The following DNAJC1 variants were observed in gnomAD, a reference collection of about 807,000 sequenced individuals.
DNAJC1 encodes the protein dnaJ homolog subfamily C member 1.
A neutral mutation model predicts 76.6 loss-of-function variants in DNAJC1; 58 were observed. That is an observed-to-expected ratio of 0.76 (90% CI 0.61 to 0.94). The LOEUF (loss-of-function observed/expected upper bound fraction) is 0.94. DNAJC1 is among the 40% of genes least tolerant of loss of function. The pLI is 0.00. For missense variants in DNAJC1, 689 were observed against 677.3 expected (o/e 1.02, Z -0.19); for synonymous variants, 258 against 267.9 (o/e 0.96, Z 0.36).
At chr10:21,832,067 C>T (rs111543290) in intron 8 of DNAJC1, among the ~76,000 whole-genome samples, 8 of 151,706 alleles carry the variant, frequency 5.3e-5, no homozygotes, top group South Asian at 2.1e-4. Context: ...TGACAGAAAA[C>T]GAAGGAAAAT....
At chr10:21,794,266 CA>C (rs542182948) in intron 9 of DNAJC1, among the ~76,000 whole-genome samples, 1,240 of 53,600 alleles carry the variant, frequency 0.023, 6 homozygotes, top group African/African-American at 0.049. Context: ...TTCCTATCTT[CA>C]AAAAAAAAAA....
intron 1 of DNAJC1, among the ~76,000 whole-genome samples, chr10:21,965,357 C>T (rs1320976012): frequency 1.3e-5 from 2 of 152,154 alleles, no homozygotes; most frequent in African/African-American, 4.8e-5. Flanking sequence ...ATCCTTACCT[C>T]AGCTTTCCTG....
intron 6 of DNAJC1, among the ~76,000 whole-genome samples, chr10:21,912,396 C>G (rs1478686233): frequency 2.0e-5 from 3 of 152,088 alleles, no homozygotes; most frequent in Admixed American, 1.3e-4. Context: ...CAATAACTTA[C>G]AAAACTCTAT....
intron 9 of DNAJC1, among the ~76,000 whole-genome samples, chr10:21,795,878 A>G (rs1378179696): frequency 6.6e-6 from 1 of 151,888 alleles, no homozygotes. Context: ...AAATGGAATC[A>G]TGTAGTATCT....
At chr10:21,838,623 T>C (rs1450081217) in intron 8 of DNAJC1, among the ~76,000 whole-genome samples, 2 of 151,426 alleles carry the variant, frequency 1.3e-5, no homozygotes, top group African/African-American at 2.4e-5. Context: ...GATCAATAAA[T>C]ACTAAAAAAG....
chr10:21,820,370 A>C (rs1026446252), intron 8 of DNAJC1, among the ~76,000 whole-genome samples: 2 of 152,218 alleles, frequency 1.3e-5, no homozygotes, highest in Admixed American at 1.3e-4. Flanking sequence ...ATTAAAAATA[A>C]TGCTGCTATA....
At chr10:21,982,130 T>C (rs1396725369) in intron 1 of DNAJC1, among the ~76,000 whole-genome samples, 2 of 152,228 alleles carry the variant, frequency 1.3e-5, no homozygotes, top group African/African-American at 4.8e-5. Context: ...TTAAGCTTCA[T>C]TCTGTAACGA....
chr10:21,759,900 A>T (rs1014418280), intron 10 of DNAJC1, among the ~76,000 whole-genome samples: 1 of 152,214 alleles, frequency 6.6e-6, no homozygotes, highest in Admixed American at 6.5e-5. Context: ...TAATGGGTAT[A>T]TAAAGAATCA....
intron 8 of DNAJC1, among the ~76,000 whole-genome samples, chr10:21,862,541 GC>G (rs1341956512): frequency 6.7e-6 from 1 of 149,566 alleles, no homozygotes; most frequent in African/African-American, 2.5e-5. Flanking sequence ...CAATTCTCCT[GC>G]CTCAGCCTCC....
chr10:21,982,693 T>C lies in DNAJC1; in HGVS notation c.222+20520A>G, dbSNP rs1838175868. On this transcript the variant is annotated intron_variant, in intron 1 of 11. Transcript: ENST00000376980. ...AATCAAAACCACAACAGTTACTACC[T>C]CTCACCTATTAGGATAGCTATCATA... Among the ~76,000 whole-genome samples, 4 of 149,300 alleles carry C rather than the reference T, an allele frequency of 2.7e-5. No individual in the cohort carries two copies. In the South Asian group the frequency reaches 8.4e-4, roughly 32 times the overall value.
At chr10:21,824,973 A>T (rs1158304719) in intron 8 of DNAJC1, among the ~76,000 whole-genome samples, 1 of 152,038 alleles carries the variant, frequency 6.6e-6, no homozygotes, top group Non-Finnish European at 1.5e-5. Context: ...ACGGGGTTTC[A>T]TCACCTTGGT....
At chr10:21,818,540 T>C (rs969215919) in intron 8 of DNAJC1, among the ~76,000 whole-genome samples, 2 of 152,176 alleles carry the variant, frequency 1.3e-5, no homozygotes, top group African/African-American at 4.8e-5. Flanking sequence ...CCTCCCCTTT[T>C]GAAAATCACT....
chr10:21,904,346 C>T (rs1836707873), intron 7 of DNAJC1, among the ~76,000 whole-genome samples, 176 bp downstream of exon 7: 1 of 150,590 alleles, frequency 6.6e-6, no homozygotes, highest in Non-Finnish European at 1.5e-5. Context: ...TAAAGTAATG[C>T]TATAATGTAG....
chr10:21,988,936 G>C (rs1356404169), intron 1 of DNAJC1, among the ~76,000 whole-genome samples: 1 of 152,048 alleles, frequency 6.6e-6, no homozygotes, highest in Non-Finnish European at 1.5e-5. Context: ...CTCTCCTCTG[G>C]GTATCTCCAA....
At chr10:21,837,375 G>A (rs1201152026) in intron 8 of DNAJC1, among the ~76,000 whole-genome samples, 4 of 151,136 alleles carry the variant, frequency 2.6e-5, no homozygotes, top group African/African-American at 7.3e-5. Flanking sequence ...GCCGCCCATC[G>A]TCTGGGATGT....
chr10:21,869,550 G>C (rs1370530200), intron 8 of DNAJC1, among the ~76,000 whole-genome samples: 2 of 151,950 alleles, frequency 1.3e-5, no homozygotes, highest in African/African-American at 4.8e-5. Context: ...CAACCACCTC[G>C]GGCACCTGTT....
intron 8 of DNAJC1, among the ~76,000 whole-genome samples, chr10:21,842,294 A>C (rs1364275546): frequency 6.6e-6 from 1 of 152,128 alleles, no homozygotes; most frequent in Non-Finnish European, 1.5e-5. Context: ...AAATAGGATG[A>C]ACTGACAGGA....
chr10:21,977,798 G>A (rs1211410721), intron 1 of DNAJC1, among the ~76,000 whole-genome samples: 1 of 152,114 alleles, frequency 6.6e-6, no homozygotes, highest in African/African-American at 2.4e-5. Context: ...CCTGGATAGT[G>A]AGGGTTCCTA....
chr10:21,759,111 T>C, intron 11 of DNAJC1, 59 bp downstream of exon 11: 2 of 1,507,602 alleles, frequency 1.3e-6, no homozygotes, highest in Non-Finnish European at 1.8e-6. Context: ...GCAGACAAGC[T>C]GTGGCTCCTC....
Sources: gnomAD v4.1 joint callset for allele counts (sites outside exome capture counted in the v4.1 genomes callset) on GRCh38, gnomAD v4.1.1 for gene constraint, MANE v1.5 for transcripts, NCBI Gene and HGNC (gene_info 2026-07-23, HGNC 2026-07-21) for gene names.